The following PFKM variants were observed in gnomAD, a reference collection of about 807,000 sequenced individuals.
PFKM encodes the protein phosphofructokinase, muscle.
A neutral mutation model predicts 95.5 loss-of-function variants in PFKM; 58 were observed. The observed-to-expected ratio is 0.61, with a 90% confidence interval of 0.49 to 0.76. The LOEUF is 0.76. Among genes scored for constraint, PFKM ranks in the 30% least tolerant of loss-of-function variants. PFKM has a pLI of 0.00. For synonymous variants in PFKM, 336 were observed against 357.2 expected (o/e 0.94, Z 0.67); for missense variants, 678 against 1,005.4 (o/e 0.67, Z 4.40).
upstream of PFKM, chr12:48,119,262 TTAG>T (rs1294662586): frequency 5.1e-6 from 5 of 984,458 alleles, no homozygotes; most frequent in East Asian, 4.5e-4. Context: ...TCAGCATCTG[TTAG>T]TGGAGGTTGG....
chr12:48,115,759 T>A (rs772339154), upstream of PFKM, among the ~76,000 whole-genome samples: 36 of 152,212 alleles, frequency 2.4e-4, no homozygotes, highest in Admixed American at 3.3e-4. Flanking sequence ...TGGCTCAGAA[T>A]AAATATCTTC....
At chr12:48,124,968 G>A (rs1948678449) in intron 2 of PFKM, among the ~76,000 whole-genome samples, 1 of 152,164 alleles carries the variant, frequency 6.6e-6, no homozygotes, top group Non-Finnish European at 1.5e-5. Context: ...TAGGGCTTGT[G>A]GGCCACATGG....
chr12:48,113,052 G>A (rs1326006995), intron 3 of PFKM, among the ~76,000 whole-genome samples: 2 of 152,132 alleles, frequency 1.3e-5, no homozygotes, highest in African/African-American at 4.8e-5. Flanking sequence ...ATGAGGTGTG[G>A]CTGTAGCCCA....
At chr12:48,138,901 G>A (rs1950336599) in intron 11 of PFKM, among the ~76,000 whole-genome samples, 1 of 152,040 alleles carries the variant, frequency 6.6e-6, no homozygotes, top group Non-Finnish European at 1.5e-5. Flanking sequence ...TTAGCCGGGT[G>A]TGGTTGCACA....
chr12:48,112,268 G>T (rs112335474), intron 3 of PFKM, among the ~76,000 whole-genome samples: 2,971 of 152,244 alleles, frequency 0.02, 66 homozygotes, highest in African/African-American at 0.049. Flanking sequence ...TTATATAATG[G>T]TTTAGTCAGG....
chr12:48,126,902 C>T (rs1948905320), intron 2 of PFKM, among the ~76,000 whole-genome samples: 1 of 152,204 alleles, frequency 6.6e-6, no homozygotes. Context: ...TGACCTTGTT[C>T]CTTTCACACA....
intron 2 of PFKM, chr12:48,108,035 C>T: frequency 1.3e-6 from 2 of 1,597,072 alleles, no homozygotes; most frequent in Non-Finnish European, 1.7e-6. Flanking sequence ...TTCCCAGAAT[C>T]CCACCTTGAG....
chr12:48,137,692 G>C lies in PFKM; in HGVS notation c.937-29G>C, dbSNP rs770018008. 3.1e-6 allele frequency: 5 copies of C among 1,613,950 alleles called. No individual in the cohort carries two copies. The African/African-American group carries it at 6.7e-5, about 22-fold the overall frequency. Reference sequence around the variant, plus strand: ...AGCCAAGATGGGGCAGCCTGAGCCAGACTGTCTTTGTTCTCTGGGCTCCTG... The same window carrying C: ...AGCCAAGATGGGGCAGCCTGAGCCACACTGTCTTTGTTCTCTGGGCTCCTG... On this transcript the variant is annotated intron_variant, in intron 10 of 22. Coordinates refer to ENST00000359794, the MANE Select transcript of PFKM (RefSeq NM_000289.6).
At chr12:48,112,035 T>G (rs1391533453) in intron 3 of PFKM, among the ~76,000 whole-genome samples, 2 of 151,990 alleles carry the variant, frequency 1.3e-5, no homozygotes, top group African/African-American at 4.8e-5. Context: ...GCTAAAACAG[T>G]AAGGTCAAGT....
upstream of PFKM, among the ~76,000 whole-genome samples, chr12:48,118,741 C>T (rs1011552696): frequency 5.3e-5 from 8 of 152,302 alleles, no homozygotes; most frequent in South Asian, 6.2e-4. Flanking sequence ...CTCACAGACA[C>T]GCCCTTCCCT....
At position 48,107,385 on chromosome 12, in the gene PFKM, C is replaced by T. The variant is rs774790041; in HGVS notation, c.12C>T (p.Asp4=). The change falls in exon 2 of 25, where the codon GAC becomes GAT. Residue 4 remains aspartate, a synonymous_variant. Coordinates refer to the PFKM transcript ENST00000340802. Reference sequence around the variant, plus strand: ...TCTAGGAGGCAGCCATGCATAAAGACGAGTTTCATCTGAAATTTTTCATGT... The same window carrying T: ...TCTAGGAGGCAGCCATGCATAAAGATGAGTTTCATCTGAAATTTTTCATGT... 108 of 1,596,808 alleles carry T rather than the reference C, an allele frequency of 6.8e-5. 1 individual carries two copies. The highest frequency in any genetic ancestry group is 8.8e-5 in the Non-Finnish European group (104 of 1,177,518).
chr12:48,138,653 T>G (rs1043975169), intron 11 of PFKM, among the ~76,000 whole-genome samples: 16 of 152,206 alleles, frequency 1.1e-4, no homozygotes, highest in African/African-American at 3.6e-4. Flanking sequence ...TGTAGGATCT[T>G]CATTTACTCA....
Position 48,141,335 on chromosome 12 carries a change from G to T in PFKM, c.1366G>T (p.Val456Phe). ...GATAGAGGAAGCTGGCTGGAGCTAT[G>T]TTGGGGGCTGGACTGGCCAAGGTGG... The part of the protein sequence containing the change: ...GQIEEAGWSY[V>F]GGWTGQGGSK... The change falls in exon 15 of 23, where the codon GTT (valine) becomes TTT (phenylalanine). Residue 456 changes from valine to phenylalanine, a missense_variant. Val to Phe is a conservative substitution (Grantham distance 50). Transcript: ENST00000359794. 3 of 1,614,166 alleles carry T rather than the reference G, an allele frequency of 1.9e-6. No individual in the cohort carries two copies. The highest frequency in any genetic ancestry group is 2.5e-6 in the Non-Finnish European group (3 of 1,180,028).
upstream of PFKM, chr12:48,118,709 C>T (rs1947890880): frequency 1.6e-6 from 1 of 643,742 alleles, no homozygotes; most frequent in Non-Finnish European, 2.8e-6. Context: ...CATCCCTCCC[C>T]ACTGCAGGCT....
intron 1 of PFKM, 32 bp downstream of exon 1, chr12:48,119,438 G>T: frequency 2.0e-6 from 2 of 984,102 alleles, no homozygotes; most frequent in Non-Finnish European, 2.4e-6. Context: ...AGAGCAAGGG[G>T]GAGAGCTGGG....
upstream of PFKM, chr12:48,118,502 C>T: frequency 6.6e-7 from 1 of 1,512,114 alleles, no homozygotes; most frequent in Non-Finnish European, 8.9e-7. Flanking sequence ...GGTAGAGATA[C>T]AAGTAAGCAA....
intron 2 of PFKM, among the ~76,000 whole-genome samples, chr12:48,128,992 A>G (rs1164820259): frequency 6.6e-6 from 1 of 152,152 alleles, no homozygotes; most frequent in Non-Finnish European, 1.5e-5. Flanking sequence ...TGCTTAGCAG[A>G]GGATCAGTGC....
chr12:48,115,882 T>C (rs1040569616), upstream of PFKM, among the ~76,000 whole-genome samples: 1 of 152,250 alleles, frequency 6.6e-6, no homozygotes, highest in Admixed American at 6.5e-5. Flanking sequence ...ACATTGTGAA[T>C]AATGTTGCTA....
At chr12:48,133,572 T>C in intron 6 of PFKM, 92 bp downstream of exon 6, 1 of 1,181,410 alleles carries the variant, frequency 8.5e-7, no homozygotes, top group Non-Finnish European at 1.3e-6. Flanking sequence ...GCGTTTGAGC[T>C]ATGGTGACTA....
Sources: gnomAD v4.1 joint callset for allele counts (sites outside exome capture counted in the v4.1 genomes callset) on GRCh38, gnomAD v4.1.1 for gene constraint, MANE v1.5 for transcripts, NCBI Gene and HGNC (gene_info 2026-07-23, HGNC 2026-07-21) for gene names.